Variants in PKHD1L1 observed in about 807,000 individuals in gnomAD.
PKHD1L1 encodes the protein fibrocystin-L.
A neutral mutation model predicts 462.9 loss-of-function variants in PKHD1L1; 434 were observed. The ratio of observed to expected loss-of-function variants is 0.94; its 90% CI spans 0.87 to 1.02. The LOEUF (loss-of-function observed/expected upper bound fraction) is 1.02. PKHD1L1 is among the 50% of genes least tolerant of loss of function. The pLI is 0.00. For missense variants in PKHD1L1, 5,202 were observed against 5,096.1 expected, an observed-to-expected ratio of 1.02 and a Z score of -0.63; for synonymous variants, 1,781 against 1,750.0, an observed-to-expected ratio of 1.02 and a Z score of -0.44.
chr8:109,515,399 A>G lies in PKHD1L1; in HGVS notation c.11689+94A>G, dbSNP rs1820217454. ...TATTAGTATTTTTAATTCCTTATCT[A>G]TCAATGATGGAGAAGAAAACAAGTT... is the stretch of plus-strand genomic sequence containing the variant. On this transcript the variant is annotated intron_variant, in intron 72 of 77. Transcript: ENST00000378402. 4.7e-6 allele frequency: 5 copies of G among 1,068,226 alleles called. No individual in the cohort carries two copies. The South Asian group carries it at 1.4e-4, about 30-fold the overall frequency. The allele number at this position is 1,068,226 out of a possible 1,614,324, so 66.2% of individuals were successfully genotyped here. A position where few individuals can be genotyped will look rare whatever the true frequency, so the allele number is the denominator to read the frequency against.
rs190983793 is a variant in PKHD1L1, at chr8:109,482,942, C to T, written c.9458-45C>T. 3.3e-4 allele frequency: 408 copies of T among 1,218,782 alleles called. 1 individual carries two copies. The African/African-American group carries it at 6.0e-3, about 18-fold the overall frequency. The allele number at this position is 1,218,782 out of a possible 1,614,324, so 75.5% of individuals were successfully genotyped here. A position where few individuals can be genotyped will look rare whatever the true frequency, so the allele number is the denominator to read the frequency against. ...TTTCATTTTATACTAGCACCTAACT[C>T]AGTACTGTGGGGTGAATAAGTAGGA... On this transcript the variant is annotated intron_variant, in intron 56 of 77. Coordinates refer to ENST00000378402, the MANE Select transcript of PKHD1L1 (RefSeq NM_177531.6).
chr8:109,455,212 C>T (rs2130799673), intron 45 of PKHD1L1, among the ~76,000 whole-genome samples: 1 of 152,314 alleles, frequency 6.6e-6, no homozygotes, highest in South Asian at 2.1e-4. Context: ...GTGGTGCACA[C>T]CTGTAAGCCC....
At chr8:109,522,451 T>G (rs755464692) in intron 74 of PKHD1L1, 114 bp downstream of exon 74, 472 of 1,209,356 alleles carry the variant, frequency 3.9e-4, no homozygotes, top group Non-Finnish European at 5.0e-4. Context: ...AGGCATGTCT[T>G]TCTTATTTAT....
At chr8:109,396,599 T>C (rs762543287) in intron 11 of PKHD1L1, among the ~76,000 whole-genome samples, 1 of 152,262 alleles carries the variant, frequency 6.6e-6, no homozygotes, top group Non-Finnish European at 1.5e-5. Context: ...ACTGAAGATA[T>C]TGGCCTTGGA....
chr8:109,365,728 C>T (rs1464721826), intron 2 of PKHD1L1, among the ~76,000 whole-genome samples: 1 of 152,214 alleles, frequency 6.6e-6, no homozygotes, highest in African/African-American at 2.4e-5. Flanking sequence ...GTAATTCCAG[C>T]ACTTTGGGAG....
At chr8:109,364,742 T>C (rs1811148803) in intron 2 of PKHD1L1, 106 bp downstream of exon 2, 2 of 745,380 alleles carry the variant, frequency 2.7e-6, no homozygotes, top group Non-Finnish European at 4.3e-6. Context: ...ACCACTGGAG[T>C]TATTTCTTCA....
chr8:109,487,948 G>GGAAGGAAGGAAGGAAA (rs1818640662), intron 59 of PKHD1L1, among the ~76,000 whole-genome samples: 5 of 146,474 alleles, frequency 3.4e-5, no homozygotes, highest in Admixed American at 6.9e-5. Flanking sequence ...AAGGAAAGAA[G>GGAAGGAAGGAAGGAAA]GAAGGAAGGA....
At chr8:109,382,364 C>A in intron 3 of PKHD1L1, 99 bp from the exon 4 acceptor site, 1 of 955,174 alleles carries the variant, frequency 1.0e-6, no homozygotes, top group Non-Finnish European at 1.5e-6. Context: ...CACTTTCTGT[C>A]AAAAATAGCC....
intron 67 of PKHD1L1, among the ~76,000 whole-genome samples, chr8:109,499,974 A>G (rs1166548460): frequency 3.3e-5 from 5 of 152,146 alleles, no homozygotes; most frequent in Non-Finnish European, 4.4e-5. Context: ...AGCTGCCCCT[A>G]TGGGGAGGAC....
chr8:109,418,948 A>T, intron 21 of PKHD1L1, 149 bp from the exon 22 acceptor site: 2 of 553,028 alleles, frequency 3.6e-6, no homozygotes, highest in Non-Finnish European at 6.1e-6. Context: ...GTGCCTTGTT[A>T]CGGCTGCTTT....
rs1817299029 is a variant in PKHD1L1, at chr8:109,464,323, G to A, written c.7491G>A (p.Gln2497=). The change falls in exon 49 of 78, where the codon CAG becomes CAA. Residue 2497 remains glutamine (Q), a synonymous_variant. Transcript: ENST00000378402. ...KSYVRGCAIH[Q]AYNRAVTIHN... Reference sequence around the variant, plus strand: ...ATGTAAGAGGCTGTGCAATTCACCAGGCCTATAACAGAGCTGTTACTATTC... The same window carrying A: ...ATGTAAGAGGCTGTGCAATTCACCAAGCCTATAACAGAGCTGTTACTATTC... The A allele has an allele frequency of 6.2e-7, 1 of 1,613,098 alleles. No homozygotes were observed. Among genetic ancestry groups the A allele is most frequent in the Non-Finnish European group, 8.5e-7 (1 of 1,179,528 alleles).
Position 109,510,944 on chromosome 8 carries a change from G to C in PKHD1L1, c.11553+10G>C. On this transcript the variant is annotated intron_variant, in intron 71 of 77. Coordinates refer to ENST00000378402, the MANE Select transcript of PKHD1L1 (RefSeq NM_177531.6). Reference sequence around the variant, plus strand: ...TGTTGATCATAACAAGGTAGGGCAAGATGTCTTAAGAGTAATTGCTGTTGA... The same window carrying C: ...TGTTGATCATAACAAGGTAGGGCAACATGTCTTAAGAGTAATTGCTGTTGA... The C allele has an allele frequency of 2.5e-6, 4 of 1,610,826 alleles. No individual in the cohort carries two copies. The highest frequency in any genetic ancestry group is 3.4e-6 in the Non-Finnish European group (4 of 1,178,214).
intron 32 of PKHD1L1, 91 bp downstream of exon 32, chr8:109,439,183 G>A: frequency 8.5e-7 from 1 of 1,181,058 alleles, no homozygotes; most frequent in Non-Finnish European, 1.2e-6. Context: ...TAAGCTTTAG[G>A]TGTTAATTGT....
At chr8:109,399,203 T>C (rs1168248524) in intron 12 of PKHD1L1, among the ~76,000 whole-genome samples, 1 of 152,116 alleles carries the variant, frequency 6.6e-6, no homozygotes, top group Non-Finnish European at 1.5e-5. Flanking sequence ...TAGAAAAAAA[T>C]GAACAGTTTA....
chr8:109,510,639 A>G (rs1819922062), intron 70 of PKHD1L1, 138 bp from the exon 71 acceptor site: 1 of 1,097,932 alleles, frequency 9.1e-7, no homozygotes, highest in Non-Finnish European at 1.3e-6. Context: ...GTAACGGTGG[A>G]TGGGTAATAG....
At position 109,440,734 on chromosome 8, in the gene PKHD1L1, G is replaced by A. The variant is rs2130737388; in HGVS notation, c.3981G>A (p.Gln1327=). ...GAGACAAATTAAATTCTTCAATACAGTATGTTTTAGAAGTGACCAGCATGT... is the reference window on the plus strand; with the variant it reads ...GAGACAAATTAAATTCTTCAATACAATATGTTTTAGAAGTGACCAGCATGT... ...STRDKLNSSI[Q]YVLEVTSMFP... is the part of the protein sequence containing the mutation. Residue 1327 remains glutamine, a synonymous_variant, in exon 33 of 78, where the codon CAG becomes CAA. Transcript: ENST00000378402. The A allele has an allele frequency of 6.2e-7, 1 of 1,611,952 alleles. No homozygotes were observed. The highest frequency in any genetic ancestry group is 8.5e-7 in the Non-Finnish European group (1 of 1,178,652).
At chr8:109,394,612 A>G in intron 10 of PKHD1L1, 127 bp downstream of exon 10, 1 of 527,156 alleles carries the variant, frequency 1.9e-6, no homozygotes, top group Non-Finnish European at 3.0e-6. Context: ...GGAAAGGAAA[A>G]ATCCCTAAGA....
chr8:109,512,872 T>G (rs1340549824), intron 71 of PKHD1L1, among the ~76,000 whole-genome samples: 6 of 151,238 alleles, frequency 4.0e-5, no homozygotes, highest in Non-Finnish European at 5.9e-5. Context: ...TTTATTTCCT[T>G]GAGCAGTGGT....
intron 27 of PKHD1L1, among the ~76,000 whole-genome samples, chr8:109,430,911 G>A (rs1442918585): frequency 1.3e-5 from 2 of 151,508 alleles, no homozygotes; most frequent in African/African-American, 2.4e-5. Flanking sequence ...CTTTAATTTG[G>A]TTACAGTCCT....
Sources: gnomAD v4.1 joint callset for allele counts (sites outside exome capture counted in the v4.1 genomes callset) on GRCh38, gnomAD v4.1.1 for gene constraint, MANE v1.5 for transcripts, NCBI Gene and HGNC (gene_info 2026-07-23, HGNC 2026-07-21) for gene names.